Variants in ABLIM1 observed in about 807,000 individuals in gnomAD.
ABLIM1 encodes the protein actin-binding LIM protein 1.
In ABLIM1, 40 loss-of-function variants were observed where a neutral mutation model predicts 107.0. The ratio of observed to expected loss-of-function variants is 0.37; its 90% CI spans 0.29 to 0.49. The LOEUF is 0.49. Among genes scored for constraint, ABLIM1 ranks in the 20% least tolerant of loss-of-function variants. ABLIM1 has a pLI of 0.97. For missense variants in ABLIM1, 857 were observed against 1,008.5 expected (o/e 0.85, Z 2.04); for synonymous variants, 357 against 357.3 (o/e 1.00, Z 0.01).
chr10:114,557,671 G>GTT lies in ABLIM1; in HGVS notation c.674-9897_674-9896dup, dbSNP rs61108195. On this transcript the variant is annotated intron_variant, in intron 4 of 22. Coordinates refer to ENST00000533213, the MANE Select transcript of ABLIM1 (RefSeq NM_002313.7). ...TGACCCAATAGCTCCATAGTGAGGTGTTTTTTTTTTTTTTTTTTTTTTGGA... is the reference window on the plus strand; with the variant it reads ...TGACCCAATAGCTCCATAGTGAGGTGTTTTTTTTTTTTTTTTTTTTTTTTGGA... 8.6e-3 allele frequency among the ~76,000 whole-genome samples: 621 copies of GTT among 72,310 alleles called. 10 individuals carry two copies. The highest frequency in any genetic ancestry group is 0.034 in the African/African-American group (507 of 14,696). The allele number at this position is 72,310 out of a possible 152,430, so 47.4% of individuals were successfully genotyped here. A position where few individuals can be genotyped will look rare whatever the true frequency, so the allele number is the denominator to read the frequency against.
intron 1 of ABLIM1, among the ~76,000 whole-genome samples, chr10:114,673,121 G>T (rs112846958): frequency 0.026 from 4,006 of 151,892 alleles, 142 homozygotes; most frequent in African/African-American, 0.085. Flanking sequence ...AGCCAGTCGT[G>T]GTGGTGCATG....
upstream of ABLIM1, among the ~76,000 whole-genome samples, chr10:114,685,730 C>T (rs190598766): frequency 5.9e-5 from 9 of 152,316 alleles, no homozygotes; most frequent in East Asian, 1.9e-4. Flanking sequence ...AAAGGCCAGT[C>T]GCATCAACTG....
At chr10:114,495,842 G>A (rs2059595624) in intron 6 of ABLIM1, among the ~76,000 whole-genome samples, 1 of 152,118 alleles carries the variant, frequency 6.6e-6, no homozygotes, top group African/African-American at 2.4e-5. Context: ...AGAACTGGTG[G>A]GACCAGGATG....
intron 6 of ABLIM1, among the ~76,000 whole-genome samples, chr10:114,493,469 A>G (rs2059273619): frequency 6.6e-6 from 1 of 152,220 alleles, no homozygotes. Flanking sequence ...CATTCTCATT[A>G]AAGACAGGAA....
intron 1 of ABLIM1, among the ~76,000 whole-genome samples, chr10:114,713,099 T>C (rs1163587996): frequency 6.6e-6 from 1 of 152,208 alleles, no homozygotes; most frequent in Non-Finnish European, 1.5e-5. Flanking sequence ...TTCTATAACA[T>C]AGCTGGGCAG....
chr10:114,651,928 CT>C lies in ABLIM1; in HGVS notation c.244+6028del, dbSNP rs77812308. 5.1e-3 allele frequency among the ~76,000 whole-genome samples: 776 copies of C among 152,324 alleles called. 40 individuals are homozygous for C. The East Asian group carries it at 0.13, about 25-fold the overall frequency. On this transcript the variant is annotated intron_variant, in intron 1 of 22. Coordinates refer to ENST00000533213, the MANE Select transcript of ABLIM1 (RefSeq NM_002313.7). ...AGGAGGCCACAACACAGTGTGTCTC[CT>C]TGCCAGCAGCAGATGCCGGTCACTA...
chr10:114,487,827 T>G, intron 8 of ABLIM1, 131 bp downstream of exon 8: 1 of 1,154,098 alleles, frequency 8.7e-7, no homozygotes, highest in Non-Finnish European at 1.3e-6. Context: ...AAATGGCCTT[T>G]GAACTTAGTT....
At chr10:114,734,321 A>G (rs981118715) in intron 1 of ABLIM1, among the ~76,000 whole-genome samples, 3 of 152,172 alleles carry the variant, frequency 2.0e-5, no homozygotes, top group African/African-American at 7.2e-5. Context: ...CCCTTGCTCA[A>G]AACCTTCAAA....
chr10:114,614,210 G>C (rs556621852), intron 1 of ABLIM1, among the ~76,000 whole-genome samples: 1 of 152,236 alleles, frequency 6.6e-6, no homozygotes, highest in East Asian at 1.9e-4. Context: ...CCAGCACGTT[G>C]GGAGGCTGAG....
chr10:114,582,783 C>T (rs1449551900), intron 2 of ABLIM1, among the ~76,000 whole-genome samples: 6 of 152,000 alleles, frequency 3.9e-5, no homozygotes, highest in African/African-American at 1.4e-4. Context: ...ATTCAATAAA[C>T]GGTGCTGGGA....
intron 6 of ABLIM1, among the ~76,000 whole-genome samples, chr10:114,493,668 GA>G (rs2135225668): frequency 6.6e-6 from 1 of 152,054 alleles, no homozygotes; most frequent in East Asian, 1.9e-4. Context: ...AATGTAATGG[GA>G]AAATGGGATC....
chr10:114,597,802 C>T (rs977148302), intron 2 of ABLIM1, among the ~76,000 whole-genome samples: 10 of 151,938 alleles, frequency 6.6e-5, no homozygotes, highest in Admixed American at 2.0e-4. Context: ...AGAGGAAAAA[C>T]GTGTGGGATG....
At chr10:114,615,643 C>T (rs997830693) in intron 1 of ABLIM1, 105 of 435,896 alleles carry the variant, frequency 2.4e-4, no homozygotes, top group Non-Finnish European at 4.5e-4. Context: ...TTTTGAATAC[C>T]AGCCTGGCTT....
intron 1 of ABLIM1, among the ~76,000 whole-genome samples, chr10:114,735,003 C>T (rs191982445): frequency 6.6e-6 from 1 of 152,344 alleles, no homozygotes; most frequent in East Asian, 1.9e-4. Context: ...TATGTGACTA[C>T]ATAAAATGCA....
At chr10:114,440,965 T>G (rs780005184) in intron 19 of ABLIM1, 52 bp downstream of exon 19, 2 of 1,531,868 alleles carry the variant, frequency 1.3e-6, no homozygotes, top group South Asian at 2.4e-5. Context: ...CTCATGAACC[T>G]CAGCCTCGAG....
intron 1 of ABLIM1, among the ~76,000 whole-genome samples, chr10:114,634,277 C>G (rs1159703512): frequency 6.7e-6 from 1 of 148,654 alleles, no homozygotes; most frequent in Non-Finnish European, 1.5e-5. Flanking sequence ...GGACTACAGG[C>G]GCCCGCTACC....
At chr10:114,772,493 G>C (rs1009682362), upstream of ABLIM1, among the ~76,000 whole-genome samples, 3 of 152,050 alleles carry the variant, frequency 2.0e-5, no homozygotes, top group Non-Finnish European at 4.4e-5. Context: ...TGTAGTCCCA[G>C]CTATTTGGGA....
chr10:114,736,873 AACAG>A (rs2082190618), intron 1 of ABLIM1, among the ~76,000 whole-genome samples: 1 of 152,160 alleles, frequency 6.6e-6, no homozygotes, highest in Non-Finnish European at 1.5e-5. Context: ...AGGGACAGAA[AACAG>A]ACAGGCTATG....
intron 6 of ABLIM1, among the ~76,000 whole-genome samples, chr10:114,537,970 G>A (rs145326787): frequency 1.3e-4 from 20 of 152,326 alleles, no homozygotes; most frequent in Admixed American, 1.3e-3. Context: ...CTCTGATGGT[G>A]ACAAAAAGAT....
Sources: gnomAD v4.1 joint callset for allele counts (sites outside exome capture counted in the v4.1 genomes callset) on GRCh38, gnomAD v4.1.1 for gene constraint, MANE v1.5 for transcripts, NCBI Gene and HGNC (gene_info 2026-07-23, HGNC 2026-07-21) for gene names.